PDE4D: variants seen among roughly 807,000 people sequenced by gnomAD.
The protein encoded by PDE4D is phosphodiesterase 4D, also known as 3',5'-cyclic-AMP phosphodiesterase 4D.
A neutral mutation model predicts 87.4 loss-of-function variants in PDE4D; 24 were observed. That is an observed-to-expected ratio of 0.27 (90% CI 0.20 to 0.39). The LOEUF (loss-of-function observed/expected upper bound fraction) is 0.39. Among genes scored for constraint, PDE4D ranks in the 10% least tolerant of loss-of-function variants. The probability of loss-of-function intolerance (pLI) is 1.00; values close to 1 mark genes in which losing one functional copy is unlikely to be tolerated. For synonymous variants in PDE4D, 384 were observed against 383.2 expected (o/e 1.00, Z -0.02); for missense variants, 714 against 1,041.0 (o/e 0.69, Z 4.32).
In PDE4D at chr5:59,429,533, A is replaced by G. The variant is rs558905620; in HGVS notation, c.456-213565T>C. 2.2e-3 allele frequency among the ~76,000 whole-genome samples: 330 copies of G among 152,318 alleles called. 2 individuals carry two copies. Among genetic ancestry groups the G allele is most frequent in the African/African-American group, 7.6e-3 (317 of 41,590 alleles). On this transcript the variant is annotated intron_variant, in intron 1 of 14. Transcript: ENST00000340635. ...AGTAGAAGAGTAAGATAGTAATGAC[A>G]GTTTCCAAGTAAAATACATTGCTTT...
chr5:59,618,387 G>A (rs1829959111), intron 1 of PDE4D, among the ~76,000 whole-genome samples: 1 of 152,112 alleles, frequency 6.6e-6, no homozygotes, highest in Non-Finnish European at 1.5e-5. Flanking sequence ...AGAGACAAGA[G>A]AGAATCATGA....
At chr5:60,474,104 C>CTATATA (rs1561295532) in intron 1 of PDE4D, among the ~76,000 whole-genome samples, 9 of 21,202 alleles carry the variant, frequency 4.2e-4, no homozygotes, top group Admixed American at 8.1e-4. Context: ...CTTTGAGCTG[C>CTATATA]CATATATATA....
rs1816569264 is a variant in PDE4D at position 59,542,694 on chromosome 5, G to A, written c.456-326726C>T. 1.3e-5 allele frequency among the ~76,000 whole-genome samples: 2 copies of A among 152,112 alleles called. 1 individual carries two copies. The highest frequency in any genetic ancestry group is 4.1e-4 in the South Asian group (2 of 4,828). The stretch of plus-strand genomic sequence containing the variant: ...TCTATTTAAAATACAACCTGGGCTT[G>A]TACACCATCCAGTATGATAGAAAAA... On this transcript the variant is annotated intron_variant, in intron 1 of 14. Coordinates refer to ENST00000340635, the MANE Select transcript of PDE4D (RefSeq NM_001104631.2).
chr5:59,022,521 G>T (rs992448066), intron 6 of PDE4D, among the ~76,000 whole-genome samples: 1 of 152,066 alleles, frequency 6.6e-6, no homozygotes, highest in Non-Finnish European at 1.5e-5. Flanking sequence ...TACACCTTCC[G>T]TGAGTTTATC....
intron 1 of PDE4D, among the ~76,000 whole-genome samples, chr5:60,186,278 T>G (rs1430894331): frequency 1.3e-5 from 2 of 152,178 alleles, no homozygotes; most frequent in African/African-American, 4.8e-5. Context: ...ACAAAAAGTA[T>G]AAGCAATAAC....
chr5:59,309,081 G>T (rs1381063702), intron 1 of PDE4D, among the ~76,000 whole-genome samples: 1 of 152,034 alleles, frequency 6.6e-6, no homozygotes, highest in Non-Finnish European at 1.5e-5. Flanking sequence ...AAACCAAATG[G>T]CTAGTCTCAC....
chr5:59,067,396 G>A (rs1764106470), intron 5 of PDE4D, among the ~76,000 whole-genome samples: 1 of 152,110 alleles, frequency 6.6e-6, no homozygotes. Context: ...CTGAAAGACA[G>A]AAAATAGCCA....
chr5:59,238,895 TC>T (rs1324917227), intron 1 of PDE4D, among the ~76,000 whole-genome samples: 1 of 152,198 alleles, frequency 6.6e-6, no homozygotes, highest in African/African-American at 2.4e-5. Flanking sequence ...GAGGTCAGTG[TC>T]CTTGGGAATA....
At chr5:60,053,959 C>T (rs1001683107) in intron 2 of PDE4D, among the ~76,000 whole-genome samples, 1 of 152,046 alleles carries the variant, frequency 6.6e-6, no homozygotes, top group African/African-American at 2.4e-5. Context: ...GGTCATTAGA[C>T]AAATGCAAAT....
intron 1 of PDE4D, among the ~76,000 whole-genome samples, chr5:60,337,388 T>TATATATATATACACACACACACACAC (rs66871903): frequency 3.4e-5 from 3 of 89,474 alleles, no homozygotes; most frequent in African/African-American, 1.3e-4. Flanking sequence ...TATATATATA[T>TATATATATATACACACACACACACAC]ACACACACAC....
intron 1 of PDE4D, among the ~76,000 whole-genome samples, chr5:59,774,010 A>C (rs920641452): frequency 4.6e-5 from 7 of 152,174 alleles, no homozygotes; most frequent in Non-Finnish European, 1.0e-4. Flanking sequence ...TAACTCAAAA[A>C]CAAGGCAGGG....
At chr5:59,588,222 C>CAAAA (rs1825468878) in intron 1 of PDE4D, among the ~76,000 whole-genome samples, 1 of 152,112 alleles carries the variant, frequency 6.6e-6, no homozygotes, top group East Asian at 1.9e-4. Flanking sequence ...ATCCCTATCA[C>CAAAA]TGATGTTTTG....
At chr5:59,573,337 A>G (rs1822198391) in intron 1 of PDE4D, among the ~76,000 whole-genome samples, 1 of 152,096 alleles carries the variant, frequency 6.6e-6, no homozygotes, top group Admixed American at 6.5e-5. Flanking sequence ...TGCCACCAAC[A>G]CCATCAAAAT....
intron 1 of PDE4D, among the ~76,000 whole-genome samples, chr5:59,630,065 G>T (rs1046346547): frequency 6.6e-6 from 1 of 152,134 alleles, no homozygotes; most frequent in Non-Finnish European, 1.5e-5. Flanking sequence ...TCTAGCAAAG[G>T]TGTCTTATTT....
intron 1 of PDE4D, among the ~76,000 whole-genome samples, chr5:59,515,029 T>G (rs1252931230): frequency 6.6e-6 from 1 of 152,240 alleles, no homozygotes; most frequent in Non-Finnish European, 1.5e-5. Flanking sequence ...GCATATGGCA[T>G]GAAAGGCTTT....
intron 1 of PDE4D, among the ~76,000 whole-genome samples, chr5:59,298,854 C>T (rs1769627797): frequency 6.6e-6 from 1 of 152,172 alleles, no homozygotes; most frequent in African/African-American, 2.4e-5. Flanking sequence ...AAACATGTAA[C>T]TGCACATCTG....
At chr5:60,140,538 A>C (rs1259416316) in intron 2 of PDE4D, among the ~76,000 whole-genome samples, 2 of 116,540 alleles carry the variant, frequency 1.7e-5, no homozygotes, top group Non-Finnish European at 3.5e-5. Flanking sequence ...AAAAGGAGGA[A>C]GGAATAAAAG....
chr5:60,371,194 G>C (rs191075917), intron 1 of PDE4D, among the ~76,000 whole-genome samples: 286 of 152,260 alleles, frequency 1.9e-3, no homozygotes, highest in African/African-American at 6.6e-3. Flanking sequence ...TCCTTCCCAG[G>C]TTGCACTACG....
At chr5:60,145,899 A>T (rs1024728182) in intron 2 of PDE4D, among the ~76,000 whole-genome samples, 4 of 152,194 alleles carry the variant, frequency 2.6e-5, no homozygotes, top group African/African-American at 9.7e-5. Context: ...ACATATGTCC[A>T]AATCTTTCAA....
Sources: gnomAD v4.1 joint callset for allele counts (sites outside exome capture counted in the v4.1 genomes callset) on GRCh38, gnomAD v4.1.1 for gene constraint, MANE v1.5 for transcripts, NCBI Gene and HGNC (gene_info 2026-07-23, HGNC 2026-07-21) for gene names.